Variants in KANK4 observed in about 807,000 individuals in gnomAD.
KANK4 encodes the protein KN motif and ankyrin repeat domain-containing protein 4.
A neutral mutation model predicts 80.8 loss-of-function variants in KANK4; 50 were observed. The ratio of observed to expected loss-of-function variants is 0.62; its 90% CI spans 0.49 to 0.78. The LOEUF is 0.78. Ranked by LOEUF, KANK4 falls within the 30% of genes least tolerant of loss-of-function variation. The probability of loss-of-function intolerance (pLI) is 0.00; values close to 1 mark genes in which losing one functional copy is unlikely to be tolerated. For synonymous variants in KANK4, 465 were observed against 506.9 expected (o/e 0.92, Z 1.11); for missense variants, 1,196 against 1,240.1 (o/e 0.96, Z 0.53).
intron 1 of KANK4, among the ~76,000 whole-genome samples, chr1:62,286,636 G>A (rs1483493852): frequency 2.6e-5 from 4 of 152,168 alleles, no homozygotes; most frequent in Non-Finnish European, 4.4e-5. Flanking sequence ...CTTCCTCCCT[G>A]CAGCTGATGT....
chr1:62,310,094 C>T lies in KANK4; in HGVS notation c.-71+9012G>A, dbSNP rs113049069. On this transcript the variant is annotated intron_variant, in intron 1 of 9. Transcript: ENST00000371153. ...GCAAGCACCTGAAGAAGAATGTGCT[C>T]CTCCCCTGTTCCCTTGTCCAAAATA... Among the ~76,000 whole-genome samples, 511 of 152,308 alleles carry T rather than the reference C, an allele frequency of 3.4e-3. 1 individual carries two copies. The highest frequency in any genetic ancestry group is 3.8e-3 in the Non-Finnish European group (257 of 68,020).
At chr1:62,288,074 G>A (rs980364817) in intron 1 of KANK4, among the ~76,000 whole-genome samples, 2 of 152,122 alleles carry the variant, frequency 1.3e-5, no homozygotes, top group African/African-American at 4.8e-5. Context: ...AGCCCTCCAT[G>A]TTACCAGCAT....
intron 1 of KANK4, among the ~76,000 whole-genome samples, chr1:62,310,525 G>A (rs1644490109): frequency 6.6e-6 from 1 of 152,216 alleles, no homozygotes; most frequent in Admixed American, 6.5e-5. Flanking sequence ...GGGAATGAAA[G>A]AAACAATTCA....
chr1:62,299,539 A>G (rs573447245), intron 1 of KANK4, among the ~76,000 whole-genome samples: 6 of 152,246 alleles, frequency 3.9e-5, no homozygotes, highest in African/African-American at 1.2e-4. Context: ...ATTGCCAAGG[A>G]GCAGAGAAAA....
chr1:62,274,570 T>C lies in KANK4; in HGVS notation c.534A>G (p.Pro178=), dbSNP rs745967380. Residue 178 remains proline, a synonymous_variant, in exon 3 of 10, where the codon CCA becomes CCG. Coordinates refer to ENST00000371153, the MANE Select transcript of KANK4 (RefSeq NM_181712.5). ...GGGCAGGGGGCCCCAGGCTCAGGCCTGGCTCCTCAGAAGCCCTGCTGTGCA... is the reference window on the plus strand; with the variant it reads ...GGGCAGGGGGCCCCAGGCTCAGGCCCGGCTCCTCAGAAGCCCTGCTGTGCA... ...TLLHSRASEE[P]GLSLGPPAPP... 2 of 1,613,928 alleles carry C rather than the reference T, an allele frequency of 1.2e-6. No homozygotes were observed. Among genetic ancestry groups the C allele is most frequent in the African/African-American group, 2.7e-5 (2 of 74,928 alleles).
At chr1:62,250,700 G>A (rs2481685) in intron 8 of KANK4, among the ~76,000 whole-genome samples, 138 of 88,498 alleles carry the variant, frequency 1.6e-3, no homozygotes, top group African/African-American at 4.8e-3. Flanking sequence ...TCTTACAAGA[G>A]GGACAATTTA....
At chr1:62,245,090 C>T (rs958240521) in intron 9 of KANK4, among the ~76,000 whole-genome samples, 9 of 152,232 alleles carry the variant, frequency 5.9e-5, no homozygotes, top group Non-Finnish European at 7.3e-5. Flanking sequence ...CATCTCAGGC[C>T]TCTTCGGGCA....
intron 9 of KANK4, among the ~76,000 whole-genome samples, chr1:62,245,901 C>T (rs1379344780): frequency 2.0e-5 from 3 of 152,138 alleles, no homozygotes; most frequent in Non-Finnish European, 4.4e-5. Context: ...GGGCACTCTA[C>T]TAGGTGTGGG....
At chr1:62,247,808 A>T (rs867915440) in intron 8 of KANK4, 136 bp from the exon 9 acceptor site, 1 of 708,608 alleles carries the variant, frequency 1.4e-6, no homozygotes, top group African/African-American at 1.8e-5. Context: ...GATATGGGAC[A>T]TAACCTTCTC....
At chr1:62,270,746 T>C (rs1672141617) in intron 4 of KANK4, among the ~76,000 whole-genome samples, 1 of 152,136 alleles carries the variant, frequency 6.6e-6, no homozygotes, top group Admixed American at 6.5e-5. Flanking sequence ...CTGGTGTGAC[T>C]CAAATTAGCA....
chr1:62,250,776 A>T (rs2457806), intron 8 of KANK4, among the ~76,000 whole-genome samples: 111,179 of 152,130 alleles, frequency 0.73, 40,919 homozygotes, highest in East Asian at 0.84. Flanking sequence ...TTGAGTCTTA[A>T]GGGACAGGAG....
intron 7 of KANK4, among the ~76,000 whole-genome samples, chr1:62,260,957 G>C (rs939905408): frequency 6.6e-6 from 1 of 152,072 alleles, no homozygotes; most frequent in Non-Finnish European, 1.5e-5. Flanking sequence ...TTTGCATCTG[G>C]AATTCTCAAT....
At chr1:62,262,550 G>A (rs1671910805) in intron 7 of KANK4, among the ~76,000 whole-genome samples, 1 of 152,068 alleles carries the variant, frequency 6.6e-6, no homozygotes, top group South Asian at 2.1e-4. Context: ...CAACCAATGA[G>A]TGGATAAGGA....
rs747438914 is a variant in KANK4 at position 62,273,510 on chromosome 1, G to C, written c.1594C>G (p.Pro532Ala). The C allele has an allele frequency of 4.3e-6, 7 of 1,613,746 alleles. No homozygotes were observed. Among genetic ancestry groups the C allele is most frequent in the Non-Finnish European group, 5.9e-6 (7 of 1,179,772 alleles). ...FLWGSDRKTP[P>A]AGREETSSNL... The stretch of plus-strand genomic sequence containing the variant: ...GAACTGGTCTCCTCCCTCCCTGCTG[G>C]GGGAGTCTTTCTGTCGCTGCCCCAC... The change falls in exon 3 of 10, where the codon CCA becomes GCA. Residue 532 changes from proline (P) to alanine (A), a missense_variant. Pro to Ala is a conservative substitution (Grantham distance 27). Around this residue, in one of 3 missense-constraint regions of KANK4, gnomAD observed 1,154 missense variants for 1,179.6 expected, o/e 0.98. Coordinates refer to ENST00000371153, the MANE Select transcript of KANK4 (RefSeq NM_181712.5).
At chr1:62,309,770 T>C (rs973801663) in intron 1 of KANK4, among the ~76,000 whole-genome samples, 1 of 152,190 alleles carries the variant, frequency 6.6e-6, no homozygotes, top group African/African-American at 2.4e-5. Context: ...CACACTGCGA[T>C]GGACTAACAG....
In KANK4 at chr1:62,271,504, G is replaced by C; in HGVS notation, c.1986C>G (p.Asn662Lys). Residue 662 changes from asparagine (N) to lysine (K), a missense_variant, in exon 4 of 10, where the codon AAC becomes AAG. Physicochemically the swap from Asn to Lys is moderately conservative, Grantham distance 94. Around this residue, in one of 3 missense-constraint regions of KANK4, gnomAD observed 1,154 missense variants for 1,179.6 expected, o/e 0.98. Coordinates refer to ENST00000371153, the MANE Select transcript of KANK4 (RefSeq NM_181712.5). ...FRAGGNGTKK[N>K]LQFVGVNGGY... ...CACCGTTAACCCCAACAAACTGAAGGTTCTTTTTGGTCCCATTACCTCCTG... is the reference window on the plus strand; with the variant it reads ...CACCGTTAACCCCAACAAACTGAAGCTTCTTTTTGGTCCCATTACCTCCTG... 6.2e-7 allele frequency: 1 copy of C among 1,613,734 alleles called. No individual in the cohort carries two copies. Among genetic ancestry groups the C allele is most frequent in the South Asian group, 1.1e-5 (1 of 91,066 alleles).
chr1:62,270,821 C>T (rs192219433), intron 4 of KANK4, among the ~76,000 whole-genome samples: 6 of 152,232 alleles, frequency 3.9e-5, no homozygotes, highest in Non-Finnish European at 5.9e-5. Flanking sequence ...TGCTTCCTCA[C>T]CTAACAAAAC....
intron 6 of KANK4, among the ~76,000 whole-genome samples, chr1:62,264,072 T>A (rs1638717758): frequency 6.6e-6 from 1 of 152,218 alleles, no homozygotes; most frequent in South Asian, 2.1e-4. Flanking sequence ...TGCATACTCA[T>A]GCTGGGAAGA....
Position 62,301,486 on chromosome 1 carries a change from A to G in KANK4, c.-71+17620T>C, listed in dbSNP as rs971121148. Among the ~76,000 whole-genome samples the G allele has an allele frequency of 4.6e-5, 7 of 151,996 alleles. 1 individual carries two copies. Among genetic ancestry groups the G allele is most frequent in the South Asian group, 2.1e-4 (1 of 4,814 alleles). ...TGTCTGACATACATGAGTGGTATTC[A>G]GCACCCACCGCTTATTAAATTATGA... On this transcript the variant is annotated intron_variant, in intron 1 of 9. Transcript: ENST00000371153.
Sources: gnomAD v4.1 joint callset for allele counts (sites outside exome capture counted in the v4.1 genomes callset) on GRCh38, gnomAD v4.1.1 for gene constraint, gnomAD v4.1.1 regional missense constraint, MANE v1.5 for transcripts, NCBI Gene and HGNC (gene_info 2026-07-23, HGNC 2026-07-21) for gene names.